Variants in DENND4A observed in about 807,000 individuals in gnomAD.
DENND4A encodes C-myc promoter-binding protein.
Under a neutral mutation model 199.3 loss-of-function variants are expected in DENND4A, and 70 were observed. The ratio of observed to expected loss-of-function variants is 0.35; its 90% CI spans 0.29 to 0.43. The LOEUF is 0.43. DENND4A is among the 20% of genes least tolerant of loss of function. The probability of loss-of-function intolerance (pLI) is 1.00; values close to 1 mark genes in which losing one functional copy is unlikely to be tolerated. For synonymous variants in DENND4A, 686 were observed against 766.9 expected, an observed-to-expected ratio of 0.89 and a Z score of 1.74; for missense variants, 1,723 against 2,255.8, an observed-to-expected ratio of 0.76 and a Z score of 4.78.
intron 12 of DENND4A, among the ~76,000 whole-genome samples, chr15:65,719,961 T>C (rs2075559578): frequency 6.6e-6 from 1 of 152,158 alleles, no homozygotes; most frequent in African/African-American, 2.4e-5. Context: ...ACCCACACCA[T>C]GGACAATTCT....
At chr15:65,716,657 TG>T in intron 13 of DENND4A, among the ~76,000 whole-genome samples, 1 of 152,180 alleles carries the variant, frequency 6.6e-6, no homozygotes, top group South Asian at 2.1e-4. Context: ...GTTGGACATT[TG>T]GGTTGGTTCC....
At chr15:65,696,236 C>A in intron 22 of DENND4A, 130 bp downstream of exon 22, 1 of 1,141,486 alleles carries the variant, frequency 8.8e-7, no homozygotes, top group Non-Finnish European at 1.2e-6. Flanking sequence ...CTAAGCTATG[C>A]CATGAGAGGC....
chr15:65,731,933 T>C (rs2075973463), intron 8 of DENND4A, among the ~76,000 whole-genome samples: 1 of 152,070 alleles, frequency 6.6e-6, no homozygotes, highest in Non-Finnish European at 1.5e-5. Flanking sequence ...CTCAATGGTT[T>C]CCCCTGATGC....
At chr15:65,771,141 T>G in intron 1 of DENND4A, 1 of 1,542,288 alleles carries the variant, frequency 6.5e-7, no homozygotes, top group Middle Eastern at 2.4e-4. Flanking sequence ...AAATAAAGAG[T>G]ACGCTAAAAG....
At chr15:65,771,509 A>C (rs956967420) in intron 1 of DENND4A, 2 of 1,611,358 alleles carry the variant, frequency 1.2e-6, no homozygotes, top group Admixed American at 1.7e-5. Context: ...ACAGACCATC[A>C]ACTGGCTTAA....
At chr15:65,732,484 AG>A (rs2075987872) in intron 8 of DENND4A, among the ~76,000 whole-genome samples, 1 of 152,158 alleles carries the variant, frequency 6.6e-6, no homozygotes, top group South Asian at 2.1e-4. Context: ...CAACAAATTT[AG>A]GGGAAAAAAG....
At chr15:65,733,546 T>C (rs887025748) in intron 7 of DENND4A, among the ~76,000 whole-genome samples, 2 of 152,134 alleles carry the variant, frequency 1.3e-5, no homozygotes, top group African/African-American at 4.8e-5. Context: ...TATTAGAAAT[T>C]TATTAATTTA....
intron 14 of DENND4A, among the ~76,000 whole-genome samples, chr15:65,714,766 T>C (rs2075347176): frequency 6.6e-6 from 1 of 152,218 alleles, no homozygotes; most frequent in South Asian, 2.1e-4. Flanking sequence ...AGTCTGCCCC[T>C]GAACATGGAT....
chr15:65,664,535 A>G (rs770072745), intron 31 of DENND4A, 25 bp downstream of exon 31: 3 of 1,601,038 alleles, frequency 1.9e-6, no homozygotes, highest in African/African-American at 1.3e-5. Context: ...GGAGAACAAT[A>G]TATTCGTCTA....
chr15:65,720,983 T>TATATA (rs1188560736), intron 12 of DENND4A, among the ~76,000 whole-genome samples: 13 of 51,810 alleles, frequency 2.5e-4, no homozygotes, highest in Non-Finnish European at 4.6e-4. Context: ...ATATATATAT[T>TATATA]TGTACTTTTT....
intron 7 of DENND4A, among the ~76,000 whole-genome samples, chr15:65,733,436 T>C (rs2076020315): frequency 6.6e-6 from 1 of 152,166 alleles, no homozygotes; most frequent in African/African-American, 2.4e-5. Context: ...TTTTTAAAAA[T>C]TTTTGTTCCA....
At position 65,668,194 on chromosome 15, in the gene DENND4A, TTC is replaced by T. The variant is rs200967741; in HGVS notation, c.4788-73_4788-72del. 1,101 of 1,114,852 alleles carry T rather than the reference TTC, an allele frequency of 9.9e-4. 1 individual carries two copies. Among genetic ancestry groups the T allele is most frequent in the African/African-American group, 7.0e-3 (433 of 61,596 alleles). The allele number at this position is 1,114,852 out of a possible 1,614,324, so 69.1% of individuals were successfully genotyped here. A position where few individuals can be genotyped will look rare whatever the true frequency, so the allele number is the denominator to read the frequency against. The stretch of plus-strand genomic sequence containing the variant: ...CTTTACTTCATCAACAAGGATCATG[TTC>T]TCTCTCTCTCTCTCTTTTTTTTTTT... On this transcript the variant is annotated intron_variant, in intron 27 of 32. Transcript: ENST00000443035.
At chr15:65,740,027 A>C (rs1304264903) in intron 5 of DENND4A, among the ~76,000 whole-genome samples, 1 of 152,068 alleles carries the variant, frequency 6.6e-6, no homozygotes, top group African/African-American at 2.4e-5. Flanking sequence ...CTAAAATACA[A>C]GAAATTAGCC....
chr15:65,752,313 A>ATT, intron 4 of DENND4A, 66 bp downstream of exon 4: 1 of 281,498 alleles, frequency 3.6e-6, no homozygotes, highest in Non-Finnish European at 5.8e-6. Context: ...AAAAAAAAAA[A>ATT]GATGTATTTA....
chr15:65,694,560 AAC>A (rs2077081066), intron 22 of DENND4A, among the ~76,000 whole-genome samples: 1 of 152,142 alleles, frequency 6.6e-6, no homozygotes. Context: ...TTTACACACA[AAC>A]ACACACAAAC....
intron 2 of DENND4A, among the ~76,000 whole-genome samples, chr15:65,759,508 G>A (rs2076799019): frequency 6.6e-6 from 1 of 152,062 alleles, no homozygotes; most frequent in Non-Finnish European, 1.5e-5. Context: ...TGGGACTAAA[G>A]AAGATTAAAT....
chr15:65,727,966 T>A (rs2075852962), intron 11 of DENND4A: 2 of 170,826 alleles, frequency 1.2e-5, no homozygotes, highest in African/African-American at 4.8e-5. Flanking sequence ...TTTTAAAATT[T>A]TAAAGCATTA....
chr15:65,724,209 C>T (rs1198792610), intron 11 of DENND4A, among the ~76,000 whole-genome samples: 1 of 152,004 alleles, frequency 6.6e-6, no homozygotes, highest in Non-Finnish European at 1.5e-5. Flanking sequence ...ACTACAGGCG[C>T]GCACCCCTAC....
intron 1 of DENND4A, among the ~76,000 whole-genome samples, chr15:65,768,337 G>A (rs1596654634): frequency 6.6e-6 from 1 of 151,178 alleles, no homozygotes; most frequent in East Asian, 1.9e-4. Context: ...GTTTTGTTTT[G>A]TTCTTTTACT....
Sources: allele counts gnomAD v4.1 joint callset (sites outside exome capture counted in the v4.1 genomes callset), GRCh38; gene constraint gnomAD v4.1.1; transcripts MANE v1.5; gene names NCBI Gene and HGNC (gene_info 2026-07-23, HGNC 2026-07-21).